The following LDB2 variants were observed in gnomAD, a reference collection of about 807,000 sequenced individuals.
LDB2 encodes LIM domain-binding protein 2.
LDB2 carries 12 observed loss-of-function variants against 44.3 expected under a neutral mutation model. The ratio of observed to expected loss-of-function variants is 0.27; its 90% confidence interval spans 0.17 to 0.44. LDB2 has a LOEUF of 0.44. Ranked by LOEUF, LDB2 falls within the 20% of genes least tolerant of loss-of-function variation. LDB2 has a pLI of 1.00. For synonymous variants in LDB2, 164 were observed against 174.8 expected (o/e 0.94, Z 0.49); for missense variants, 344 against 473.5 (o/e 0.73, Z 2.54).
chr4:16,557,727 C>T lies in LDB2; in HGVS notation c.615+28195G>A, dbSNP rs371121388. Among the ~76,000 whole-genome samples, 164 of 152,300 alleles carry T rather than the reference C, an allele frequency of 1.1e-3. 1 individual carries two copies. In the East Asian group the frequency reaches 0.016, roughly 15 times the overall value. On this transcript the variant is annotated intron_variant, in intron 5 of 7. Transcript: ENST00000304523. ...GAAGAGAGCAGTGGTTCTCCCAGCA[C>T]GCAGCTGGAGATCTGAGAATGGGCA...
At chr4:16,614,993 C>A (rs1467092274) in intron 2 of LDB2, among the ~76,000 whole-genome samples, 1 of 146,638 alleles carries the variant, frequency 6.8e-6, no homozygotes, top group Non-Finnish European at 1.5e-5. Flanking sequence ...TGGCGTGAAC[C>A]CGGGAGGTGG....
At chr4:16,821,495 T>G (rs889558117) in intron 1 of LDB2, among the ~76,000 whole-genome samples, 1 of 150,930 alleles carries the variant, frequency 6.6e-6, no homozygotes, top group African/African-American at 2.4e-5. Context: ...GCCATTCTCC[T>G]GCCTCAGCCT....
At chr4:16,591,645 C>G (rs1000757489) in intron 3 of LDB2, among the ~76,000 whole-genome samples, 3 of 152,098 alleles carry the variant, frequency 2.0e-5, no homozygotes, top group African/African-American at 7.2e-5. Flanking sequence ...CACCCTGTAC[C>G]CAGCATAGAA....
At chr4:16,824,047 C>T (rs1481743743) in intron 1 of LDB2, among the ~76,000 whole-genome samples, 1 of 152,208 alleles carries the variant, frequency 6.6e-6, no homozygotes, top group Non-Finnish European at 1.5e-5. Context: ...TACTCAAATT[C>T]CACAGAGGCA....
At chr4:16,662,292 C>T (rs1385764427) in intron 2 of LDB2, among the ~76,000 whole-genome samples, 1 of 152,088 alleles carries the variant, frequency 6.6e-6, no homozygotes, top group South Asian at 2.1e-4. Context: ...AAACCCAACA[C>T]AGAAGACACT....
chr4:16,651,812 A>T (rs897212351), intron 2 of LDB2, among the ~76,000 whole-genome samples: 2 of 152,178 alleles, frequency 1.3e-5, no homozygotes, highest in Non-Finnish European at 2.9e-5. Flanking sequence ...AATCCTGATT[A>T]AAAAATATAA....
At chr4:16,612,219 TAA>T (rs1725860496) in intron 2 of LDB2, among the ~76,000 whole-genome samples, 1 of 152,104 alleles carries the variant, frequency 6.6e-6, no homozygotes, top group Non-Finnish European at 1.5e-5. Context: ...AAAGCAGTGT[TAA>T]GAGGGAAATT....
intron 1 of LDB2, among the ~76,000 whole-genome samples, chr4:16,856,261 T>G (rs1580261376): frequency 6.6e-6 from 1 of 152,324 alleles, no homozygotes; most frequent in Admixed American, 6.5e-5. Context: ...GATCAAAATC[T>G]TTGATATTCC....
chr4:16,877,595 C>T (rs952931434), intron 1 of LDB2, among the ~76,000 whole-genome samples: 1 of 152,172 alleles, frequency 6.6e-6, no homozygotes, highest in African/African-American at 2.4e-5. Context: ...ACAGAGAAAT[C>T]AATTACTTTC....
chr4:16,734,945 G>A (rs1156427972), intron 2 of LDB2, among the ~76,000 whole-genome samples: 2 of 151,950 alleles, frequency 1.3e-5, no homozygotes, highest in Non-Finnish European at 2.9e-5. Context: ...CTGACCTCAG[G>A]TGATCCACCC....
At chr4:16,776,899 CT>C (rs1445212527) in intron 1 of LDB2, among the ~76,000 whole-genome samples, 3 of 152,186 alleles carry the variant, frequency 2.0e-5, no homozygotes, top group Non-Finnish European at 4.4e-5. Context: ...CTATCCAGGT[CT>C]TCACTGCGGG....
intron 5 of LDB2, among the ~76,000 whole-genome samples, chr4:16,546,331 G>A (rs991629122): frequency 6.6e-6 from 1 of 152,204 alleles, no homozygotes; most frequent in African/African-American, 2.4e-5. Context: ...ATTCTAAAAT[G>A]TGAATTGGCC....
At chr4:16,626,573 C>T (rs912904392) in intron 2 of LDB2, among the ~76,000 whole-genome samples, 1 of 152,234 alleles carries the variant, frequency 6.6e-6, no homozygotes, top group African/African-American at 2.4e-5. Flanking sequence ...CAGGCAAATA[C>T]AACTTGCACT....
intron 2 of LDB2, among the ~76,000 whole-genome samples, chr4:16,747,855 A>G (rs1215302668): frequency 6.6e-6 from 1 of 152,174 alleles, no homozygotes; most frequent in Non-Finnish European, 1.5e-5. Context: ...ACAAGCTCAT[A>G]ATTAGATTTT....
intron 2 of LDB2, among the ~76,000 whole-genome samples, chr4:16,659,667 GTGTGTATATATATATATA>G (rs1740941424): frequency 1.4e-5 from 1 of 71,438 alleles, no homozygotes; most frequent in African/African-American, 5.0e-5. Context: ...GTATATCTAT[GTGTGTATATATATATATA>G]TATATATGTA....
At chr4:16,549,147 T>C in intron 5 of LDB2, among the ~76,000 whole-genome samples, 1 of 152,244 alleles carries the variant, frequency 6.6e-6, no homozygotes, top group East Asian at 1.9e-4. Context: ...ACACAATTTC[T>C]AAGAGACTCT....
intron 1 of LDB2, among the ~76,000 whole-genome samples, chr4:16,825,309 T>G (rs1183997255): frequency 6.6e-6 from 1 of 152,170 alleles, no homozygotes; most frequent in Non-Finnish European, 1.5e-5. Flanking sequence ...TAACAAATTA[T>G]AGCCAAAATG....
intron 2 of LDB2, among the ~76,000 whole-genome samples, chr4:16,656,132 C>A (rs145994417): frequency 0.014 from 2,119 of 152,196 alleles, 48 homozygotes; most frequent in African/African-American, 0.049. Flanking sequence ...GATCTCCGGA[C>A]CTCGTGATCC....
intron 2 of LDB2, among the ~76,000 whole-genome samples, chr4:16,724,812 G>A (rs150397610): frequency 4.8e-4 from 73 of 152,250 alleles, no homozygotes; most frequent in African/African-American, 1.5e-3. Flanking sequence ...AAACAATTCC[G>A]AAAGAAGTTT....
Sources: allele counts gnomAD v4.1 joint callset (sites outside exome capture counted in the v4.1 genomes callset), GRCh38; gene constraint gnomAD v4.1.1; transcripts MANE v1.5; gene names NCBI Gene and HGNC (gene_info 2026-07-23, HGNC 2026-07-21).